Variants in ASH1L observed in about 807,000 individuals in gnomAD.
ASH1L encodes the protein histone-lysine N-methyltransferase ASH1L.
In ASH1L, 23 loss-of-function variants were observed where a neutral mutation model predicts 269.0. The ratio of observed to expected loss-of-function variants is 0.09; its 90% CI spans 0.06 to 0.12. The LOEUF (loss-of-function observed/expected upper bound fraction) is 0.12. Ranked by LOEUF, ASH1L falls within the 10% of genes least tolerant of loss-of-function variation. ASH1L has a pLI of 1.00. For missense variants in ASH1L, 2,912 were observed against 3,567.8 expected, an observed-to-expected ratio of 0.82 and a Z score of 4.68; for synonymous variants, 1,187 against 1,253.5, an observed-to-expected ratio of 0.95 and a Z score of 1.12.
intron 8 of ASH1L, 41 bp from the exon 9 acceptor site, chr1:155,378,589 TC>T: frequency 1.3e-6 from 2 of 1,505,408 alleles, no homozygotes; most frequent in Non-Finnish European, 1.8e-6. Flanking sequence ...GCATTTAACT[TC>T]AAATGCCAGA....
chr1:155,535,229 G>A (rs1226930049), intron 1 of ASH1L, among the ~76,000 whole-genome samples: 1 of 150,326 alleles, frequency 6.7e-6, no homozygotes, highest in African/African-American at 2.4e-5. Context: ...TGTCTTATCT[G>A]AGGATTTTTT....
intron 1 of ASH1L, among the ~76,000 whole-genome samples, chr1:155,543,001 CT>C (rs35484641): frequency 7.3e-5 from 11 of 150,908 alleles, no homozygotes; most frequent in East Asian, 2.0e-4. Flanking sequence ...CTTGTTATTA[CT>C]TTTTTTTTAA....
At chr1:155,548,389 G>C (rs1188245095) in intron 1 of ASH1L, among the ~76,000 whole-genome samples, 2 of 152,048 alleles carry the variant, frequency 1.3e-5, no homozygotes, top group East Asian at 3.9e-4. Flanking sequence ...GGGCGTGTTT[G>C]GCACATGCCT....
At chr1:155,455,103 A>G (rs1663781036) in intron 4 of ASH1L, among the ~76,000 whole-genome samples, 1 of 152,186 alleles carries the variant, frequency 6.6e-6, no homozygotes, top group South Asian at 2.1e-4. Flanking sequence ...AAAAATCTTC[A>G]GTTATGTCAA....
At chr1:155,347,300 G>A (rs760143566) in intron 20 of ASH1L, among the ~76,000 whole-genome samples, 3 of 152,140 alleles carry the variant, frequency 2.0e-5, no homozygotes, top group Non-Finnish European at 4.4e-5. Flanking sequence ...CCAGCTACTC[G>A]AGAGGCTGAG....
intron 12 of ASH1L, chr1:155,370,233 G>C: frequency 2.2e-6 from 1 of 458,730 alleles, no homozygotes; most frequent in South Asian, 2.6e-5. Context: ...ATTTTTCTAG[G>C]ACATAGATCC....
chr1:155,375,103 T>A (rs1378392373), intron 10 of ASH1L, among the ~76,000 whole-genome samples: 1 of 152,106 alleles, frequency 6.6e-6, no homozygotes, highest in Non-Finnish European at 1.5e-5. Flanking sequence ...CGTGAGCCAC[T>A]GTGCTTGGCT....
At chr1:155,510,411 CAA>C (rs1161549080) in intron 2 of ASH1L, among the ~76,000 whole-genome samples, 759 of 40,900 alleles carry the variant, frequency 0.019, 8 homozygotes, top group African/African-American at 0.049. Context: ...AAGGCTGCCT[CAA>C]AAAAAAAAAA....
intron 5 of ASH1L, among the ~76,000 whole-genome samples, chr1:155,416,611 C>G (rs961225362): frequency 1.9e-4 from 29 of 151,770 alleles, no homozygotes; most frequent in African/African-American, 6.1e-4. Flanking sequence ...TCTCATCTCA[C>G]TGCAACTTCT....
chr1:155,457,329 C>A (rs1009740192), intron 4 of ASH1L, among the ~76,000 whole-genome samples: 1 of 152,012 alleles, frequency 6.6e-6, no homozygotes, highest in Non-Finnish European at 1.5e-5. Flanking sequence ...TGATATAGTC[C>A]CCATTATTGC....
At chr1:155,527,721 A>C (rs766112536) in intron 1 of ASH1L, among the ~76,000 whole-genome samples, 35 of 151,394 alleles carry the variant, frequency 2.3e-4, no homozygotes, top group Middle Eastern at 6.8e-3. Flanking sequence ...ATTTTTTTTC[A>C]CTGTTTTAGA....
intron 10 of ASH1L, among the ~76,000 whole-genome samples, chr1:155,373,651 G>A (rs1656179647): frequency 6.6e-6 from 1 of 151,944 alleles, no homozygotes; most frequent in Non-Finnish European, 1.5e-5. Context: ...ATCTCATCTA[G>A]GCTGTTAAGC....
At chr1:155,540,067 C>CAAAA (rs199663612) in intron 1 of ASH1L, among the ~76,000 whole-genome samples, 1 of 138,758 alleles carries the variant, frequency 7.2e-6, no homozygotes, top group Non-Finnish European at 1.6e-5. Flanking sequence ...GACCTTGTCT[C>CAAAA]AAAAAAAAAA....
At chr1:155,429,808 T>C (rs546115658) in intron 5 of ASH1L, among the ~76,000 whole-genome samples, 8 of 151,792 alleles carry the variant, frequency 5.3e-5, no homozygotes, top group South Asian at 4.3e-4. Flanking sequence ...TTGTCTCTTA[T>C]TTGTTTTTTA....
chr1:155,494,469 C>G (rs1667022909), intron 2 of ASH1L, among the ~76,000 whole-genome samples: 2 of 151,980 alleles, frequency 1.3e-5, no homozygotes, highest in Admixed American at 1.3e-4. Context: ...AAAAGACAGA[C>G]AATTGCAGAG....
intron 4 of ASH1L, among the ~76,000 whole-genome samples, chr1:155,458,876 T>C (rs984963694): frequency 2.0e-5 from 3 of 150,166 alleles, no homozygotes; most frequent in African/African-American, 7.6e-5. Flanking sequence ...TCAGTAAAAT[T>C]AATACATTAA....
In ASH1L at chr1:155,481,439, T is replaced by C; in HGVS notation, c.1431A>G (p.Ile477Met). Reference sequence around the variant, plus strand: ...CTTTTCGTACTGAGAACTTTTCCAATATGCTTTCTTTATTCTGCCGTACAA... The same window carrying C: ...CTTTTCGTACTGAGAACTTTTCCAACATGCTTTCTTTATTCTGCCGTACAA... ...KNVVRQNKESILEKFSVRKEI... is the reference protein window; with the variant it reads ...KNVVRQNKESMLEKFSVRKEI... Residue 477 changes from isoleucine (I) to methionine (M), a missense_variant, in exon 3 of 28, where the codon ATA becomes ATG. Physicochemically the swap from Ile to Met is conservative, Grantham distance 10 (BLOSUM62 1). This residue lies in a region of ASH1L where 715 missense variants were observed against 721.0 expected (regional missense o/e 0.99). Coordinates refer to ENST00000392403, the MANE Select transcript of ASH1L (RefSeq NM_018489.3). 8 of 1,614,128 alleles carry C rather than the reference T, an allele frequency of 5.0e-6. No individual in the cohort carries two copies. The highest frequency in any genetic ancestry group is 6.8e-6 in the Non-Finnish European group (8 of 1,179,988).
chr1:155,530,495 G>A lies in ASH1L; in HGVS notation c.-99-8877C>T, dbSNP rs57585478. 9.3e-3 allele frequency among the ~76,000 whole-genome samples: 1,420 copies of A among 152,054 alleles called. 26 individuals are homozygous for A. The highest frequency in any genetic ancestry group is 0.032 in the African/African-American group (1,334 of 41,464). ...AATCCCAGCACTTTGGGAGGCCAAG[G>A]CAGGCAGATCACTTGAGGTCAGGAG... On this transcript the variant is annotated intron_variant, in intron 1 of 27. Transcript: ENST00000392403.
intron 1 of ASH1L, among the ~76,000 whole-genome samples, chr1:155,534,928 G>C (rs1208681820): frequency 6.6e-6 from 1 of 152,192 alleles, no homozygotes; most frequent in African/African-American, 2.4e-5. Flanking sequence ...GGTGGCTCAT[G>C]CCCATAACCT....
Sources: gnomAD v4.1 joint callset for allele counts (sites outside exome capture counted in the v4.1 genomes callset) on GRCh38, gnomAD v4.1.1 for gene constraint, gnomAD v4.1.1 regional missense constraint, MANE v1.5 for transcripts, NCBI Gene and HGNC (gene_info 2026-07-23, HGNC 2026-07-21) for gene names.